ACSM4: variants seen among roughly 807,000 people sequenced by gnomAD.
The protein encoded by ACSM4 is acyl-CoA synthetase medium chain family member 4, also known as acyl-coenzyme A synthetase ACSM4, mitochondrial.
Under a neutral mutation model 73.0 loss-of-function variants are expected in ACSM4, and 66 were observed. The observed-to-expected ratio is 0.90, with a 90% CI of 0.74 to 1.11. The LOEUF is 1.11. Ranked by LOEUF, ACSM4 falls within the 50% of genes least tolerant of loss-of-function variation. The pLI is 0.00. For missense variants in ACSM4, 645 were observed against 714.4 expected (o/e 0.90, Z 1.11); for synonymous variants, 222 against 254.0 (o/e 0.87, Z 1.20).
chr12:7,327,013 A>G lies in ACSM4; in HGVS notation c.1574A>G (p.Lys525Arg). The stretch of plus-strand genomic sequence containing the variant: ...TTTGTTGTCTTAGCTGCACCCTTTA[A>G]GTCCTACAACCCAGAGAAATTAACT... ...KAFVVLAAPF[K>R]SYNPEKLTLE... is the part of the protein sequence containing the mutation. The change falls in exon 12 of 13, where the codon AAG becomes AGG. Residue 525 changes from lysine (K) to arginine (R), a missense_variant. Transcript: ENST00000399422. The G allele has an allele frequency of 1.2e-6, 2 of 1,612,782 alleles. No individual in the cohort carries two copies. The highest frequency in any genetic ancestry group is 1.7e-6 in the Non-Finnish European group (2 of 1,179,510).
At chr12:7,304,728 TGGA>T (rs1946352663) in intron 1 of ACSM4, among the ~76,000 whole-genome samples, 196 bp downstream of exon 1, 2 of 152,230 alleles carry the variant, frequency 1.3e-5, no homozygotes, top group African/African-American at 2.4e-5. Context: ...TGGGCGGCTC[TGGA>T]GCCTTCTCTA....
intron 7 of ACSM4, among the ~76,000 whole-genome samples, chr12:7,322,808 GC>G (rs1459436577): frequency 3.9e-5 from 6 of 152,196 alleles, no homozygotes; most frequent in African/African-American, 1.4e-4. Flanking sequence ...TCAGAACTGA[GC>G]AGCTCATCTT....
chr12:7,328,490 C>T lies in ACSM4; in HGVS notation c.*117C>T. The T allele has an allele frequency of 1.3e-6, 1 of 796,290 alleles. No homozygotes were observed. The highest frequency in any genetic ancestry group is 1.7e-6 in the Non-Finnish European group (1 of 571,958). 49.3% of individuals were successfully genotyped at this position (796,290 alleles called of 1,614,324 possible). On this transcript the variant is annotated 3_prime_UTR_variant, in exon 13 of 13. Coordinates refer to ENST00000399422, the MANE Select transcript of ACSM4 (RefSeq NM_001080454.2). ...TTAAGATCTTTCCTGCTTGAAAACT[C>T]AACTGTTGATTTTTTGGTTTTTACT...
At chr12:7,306,120 A>G (rs771884693) in intron 1 of ACSM4, among the ~76,000 whole-genome samples, 6 of 152,232 alleles carry the variant, frequency 3.9e-5, no homozygotes, top group Non-Finnish European at 7.3e-5. Flanking sequence ...AATATGGGAG[A>G]GCTCACAAAA....
chr12:7,319,208 A>G (rs867408864), intron 5 of ACSM4, among the ~76,000 whole-genome samples: 1 of 152,162 alleles, frequency 6.6e-6, no homozygotes, highest in African/African-American at 2.4e-5. Flanking sequence ...GATCCCTCAC[A>G]TGCACAGTTC....
intron 2 of ACSM4, among the ~76,000 whole-genome samples, chr12:7,308,486 G>T (rs1310858182): frequency 2.0e-5 from 3 of 151,986 alleles, no homozygotes; most frequent in Non-Finnish European, 4.4e-5. Context: ...TTGTTTTCTT[G>T]CTGTAAAGTG....
Position 7,306,663 on chromosome 12 carries a change from T to C in ACSM4, c.332T>C (p.Leu111Pro). ...AACGTGCTCACCAAGCCCTGTGGCC[T>C]GCAGAGAGGAGACCGTTTGGCCGTG... is the stretch of plus-strand genomic sequence containing the variant. ...AANVLTKPCGLQRGDRLAVIL... is the reference protein window; with the variant it reads ...AANVLTKPCGPQRGDRLAVIL... Residue 111 changes from leucine (L) to proline (P), a missense_variant, in exon 2 of 13, where the codon CTG becomes CCG. Coordinates refer to ENST00000399422, the MANE Select transcript of ACSM4 (RefSeq NM_001080454.2). 6.2e-7 allele frequency: 1 copy of C among 1,610,878 alleles called. No homozygotes were observed. The highest frequency in any genetic ancestry group is 8.5e-7 in the Non-Finnish European group (1 of 1,178,694).
intron 5 of ACSM4, 86 bp downstream of exon 5, chr12:7,318,268 A>G: frequency 2.0e-6 from 3 of 1,518,254 alleles, no homozygotes; most frequent in South Asian, 1.3e-5. Flanking sequence ...CTTAGAATAC[A>G]AGGCTTCTTG....
chr12:7,306,453 G>T, intron 1 of ACSM4, 80 bp from the exon 2 acceptor site: 1 of 1,375,264 alleles, frequency 7.3e-7, no homozygotes, highest in Non-Finnish European at 1.0e-6. Context: ...AGTGCCAAAG[G>T]GGGAAAACAG....
At chr12:7,317,313 A>T in intron 4 of ACSM4, 33 bp downstream of exon 4, 1 of 1,531,614 alleles carries the variant, frequency 6.5e-7, no homozygotes, top group Non-Finnish European at 8.8e-7. Flanking sequence ...TTTTTGGTGA[A>T]CTCCCCCAAA....
rs772230315 is a variant in ACSM4, at chr12:7,318,166, C to G, written c.905C>G (p.Thr302Ser). Reference sequence around the variant, plus strand: ...GTGCATCGAATGGCACAGTTTGACACTGACACCTTCCTAGACGTAAGTCAT... The same window carrying G: ...GTGCATCGAATGGCACAGTTTGACAGTGACACCTTCCTAGACGTAAGTCAT... ...VFVHRMAQFD[T>S]DTFLDTLTTY... The change falls in exon 5 of 13, where the codon ACT (threonine) becomes AGT (serine). Residue 302 changes from threonine to serine, a missense_variant. Thr to Ser is a moderately conservative substitution (Grantham distance 58). Transcript: ENST00000399422. 6.2e-7 allele frequency: 1 copy of G among 1,613,402 alleles called. No homozygotes were observed.
intron 3 of ACSM4, among the ~76,000 whole-genome samples, chr12:7,311,753 T>G (rs1946392003): frequency 6.6e-6 from 1 of 152,132 alleles, no homozygotes; most frequent in Non-Finnish European, 1.5e-5. Context: ...TACAGTGGTG[T>G]GATCTCAGCT....
intron 6 of ACSM4, among the ~76,000 whole-genome samples, chr12:7,321,020 C>T (rs938874907): frequency 2.6e-5 from 4 of 152,158 alleles, no homozygotes; most frequent in African/African-American, 4.8e-5. Flanking sequence ...GCACCTCCTC[C>T]TCCCCATTTG....
At chr12:7,325,762 A>G (rs1188678246) in intron 11 of ACSM4, among the ~76,000 whole-genome samples, 2 of 152,210 alleles carry the variant, frequency 1.3e-5, no homozygotes, top group Non-Finnish European at 2.9e-5. Flanking sequence ...CCTTAATTCT[A>G]GGAGGAAGCC....
chr12:7,327,086 T>C lies in ACSM4; in HGVS notation c.1647T>C (p.Tyr549=), dbSNP rs1166828369. ...HVKKSTAPYK[Y]PRKVEFVQEL... is the part of the protein sequence containing the mutation. ...AAAAATCAACTGCACCTTACAAATA[T>C]CCAAGAAAGGCAAGTGCTTTGCCCA... is the stretch of plus-strand genomic sequence containing the variant. Residue 549 remains tyrosine, a synonymous_variant, in exon 12 of 13, where the codon TAT becomes TAC. Transcript: ENST00000399422. 1.2e-6 allele frequency: 2 copies of C among 1,604,442 alleles called. No homozygotes were observed. Among genetic ancestry groups the C allele is most frequent in the Admixed American group, 3.4e-5 (2 of 58,554 alleles).
chr12:7,304,102 T>G lies in ACSM4; in HGVS notation c.-230T>G, dbSNP rs542799565. Among the ~76,000 whole-genome samples, 1 of 152,086 alleles carries G rather than the reference T, an allele frequency of 6.6e-6. No individual in the cohort carries two copies. The highest frequency in any genetic ancestry group is 1.9e-4 in the East Asian group (1 of 5,194). On this transcript the variant is annotated 5_prime_UTR_variant, in exon 1 of 13. It removes an upstream start codon present in the reference 5' UTR. Transcript: ENST00000399422. ...TAGACTCATCTGGTCACAGACAGAA[T>G]GAAGAGGAAGGGTCCAGTGGCAGGG...
Position 7,318,074 on chromosome 12 carries a change from C to T in ACSM4, c.813C>T (p.Asp271=), listed in dbSNP as rs1371710242. The part of the protein sequence containing the change: ...KSSDIIWNMS[D]TGWVKAAIGS... ...CAGATATCATATGGAATATGTCTGA[C>T]ACGGGCTGGGTCAAGGCCGCCATTG... Residue 271 remains aspartate (D), a synonymous_variant, in exon 5 of 13, where the codon GAC becomes GAT. Coordinates refer to ENST00000399422, the MANE Select transcript of ACSM4 (RefSeq NM_001080454.2). The T allele has an allele frequency of 6.2e-7, 1 of 1,613,644 alleles. No individual in the cohort carries two copies. The highest frequency in any genetic ancestry group is 2.2e-5 in the East Asian group (1 of 44,870).
At chr12:7,315,175 G>A (rs1204884639) in intron 3 of ACSM4, among the ~76,000 whole-genome samples, 1 of 149,782 alleles carries the variant, frequency 6.7e-6, no homozygotes, top group East Asian at 1.9e-4. Context: ...CAGCTTGCAT[G>A]GCAGAGTAAA....
intron 3 of ACSM4, among the ~76,000 whole-genome samples, chr12:7,315,656 C>A (rs1946416601): frequency 6.6e-6 from 1 of 152,028 alleles, no homozygotes; most frequent in African/African-American, 2.4e-5. Flanking sequence ...ATACACCAGT[C>A]TCAAAAATTC....
Sources: gnomAD v4.1 joint callset for allele counts (sites outside exome capture counted in the v4.1 genomes callset) on GRCh38, gnomAD v4.1.1 for gene constraint, MANE v1.5 for transcripts, NCBI Gene and HGNC (gene_info 2026-07-23, HGNC 2026-07-21) for gene names.